ADGRA3: variants seen among roughly 807,000 people sequenced by gnomAD.
ADGRA3 encodes the protein adhesion G protein-coupled receptor A3, also known as G-protein coupled receptor 125.
ADGRA3 carries 56 observed loss-of-function variants against 119.8 expected under a neutral mutation model. The ratio of observed to expected loss-of-function variants is 0.47; its 90% CI spans 0.38 to 0.58. The LOEUF (loss-of-function observed/expected upper bound fraction) is 0.58, where lower values mean the gene tolerates loss of function less well. Ranked by LOEUF, ADGRA3 falls within the 20% of genes least tolerant of loss-of-function variation. The pLI, the probability that ADGRA3 is intolerant of heterozygous loss-of-function variation, is 0.00. For synonymous variants in ADGRA3, 607 were observed against 623.8 expected (o/e 0.97, Z 0.40); for missense variants, 1,516 against 1,649.0 (o/e 0.92, Z 1.40).
chr4:22,411,308 C>A (rs544471474), intron 14 of ADGRA3, among the ~76,000 whole-genome samples: 1 of 152,206 alleles, frequency 6.6e-6, no homozygotes, highest in African/African-American at 2.4e-5. Context: ...ACGCTTCATG[C>A]TTTAATTTAA....
At chr4:22,448,053 TAGTCTATCCTGTGTTAGC>T (rs1259455747) in intron 4 of ADGRA3, among the ~76,000 whole-genome samples, 2 of 152,174 alleles carry the variant, frequency 1.3e-5, no homozygotes, top group African/African-American at 2.4e-5. Context: ...ATCAGTTCTC[TAGTCTATCCTGTGTTAGC>T]AGGCTTCAAT....
At chr4:22,450,081 T>C (rs1264956961) in intron 4 of ADGRA3, among the ~76,000 whole-genome samples, 2 of 152,048 alleles carry the variant, frequency 1.3e-5, no homozygotes, top group Non-Finnish European at 2.9e-5. Flanking sequence ...ACATAAGCAA[T>C]GACACATATT....
intron 1 of ADGRA3, among the ~76,000 whole-genome samples, chr4:22,493,259 C>A (rs1299298008): frequency 6.6e-6 from 1 of 152,158 alleles, no homozygotes; most frequent in Non-Finnish European, 1.5e-5. Context: ...AGCCACTGTG[C>A]CCAGCCTCCA....
chr4:22,414,381 C>A, intron 12 of ADGRA3: 2 of 439,874 alleles, frequency 4.5e-6, no homozygotes, highest in Non-Finnish European at 8.0e-6. Context: ...AATAATAACA[C>A]ATAGGAACAA....
In ADGRA3 at chr4:22,402,805, G is replaced by A. The variant is rs1577325690; in HGVS notation, c.2233-6C>T. On this transcript the variant is annotated splice_region_variant and splice_polypyrimidine_tract_variant and intron_variant, in intron 14 of 18. Transcript: ENST00000334304. ...AGTTCAGATCCCGTCAAATCCTGAG[G>A]GCAAAAAGAAAGATCCATTCTAGCA... is the stretch of plus-strand genomic sequence containing the variant. The A allele has an allele frequency of 6.2e-7, 1 of 1,603,658 alleles. No individual in the cohort carries two copies. Among genetic ancestry groups the A allele is most frequent in the African/African-American group, 1.3e-5 (1 of 74,316 alleles).
At chr4:22,415,563 T>G (rs1485399947) in intron 12 of ADGRA3, among the ~76,000 whole-genome samples, 2 of 152,166 alleles carry the variant, frequency 1.3e-5, no homozygotes, top group African/African-American at 4.8e-5. Flanking sequence ...GAAAACAGAT[T>G]AGTTAAAAGT....
intron 1 of ADGRA3, chr4:22,515,288 G>A (rs1489510207): frequency 2.8e-6 from 1 of 360,046 alleles, no homozygotes; most frequent in African/African-American, 2.1e-5. Flanking sequence ...GGGAGCGCCT[G>A]AGAACCCGAA....
At chr4:22,463,552 A>T (rs1277243512) in intron 2 of ADGRA3, among the ~76,000 whole-genome samples, 1 of 152,204 alleles carries the variant, frequency 6.6e-6, no homozygotes, top group Non-Finnish European at 1.5e-5. Context: ...GCTCCAAGGA[A>T]GTCTGGCTGC....
In ADGRA3 at chr4:22,392,653, A is replaced by G; in HGVS notation, c.2519T>C (p.Val840Ala). The part of the protein sequence containing the change: ...IILHYSTLAT[V>A]LWVGVTARNI... ...TCGAGCTGTCACTCCTACCCATAGT[A>G]CTGTGGCAAGGGTGGAATAGTGAAG... Residue 840 changes from valine (V) to alanine (A), a missense_variant, in exon 17 of 19, where the codon GTA becomes GCA. By Grantham distance (64) the Val-to-Ala change is moderately conservative. This residue lies in a region of ADGRA3 where 1,088 missense variants were observed against 1,107.1 expected (regional missense o/e 0.98). Transcript: ENST00000334304. The G allele has an allele frequency of 6.2e-7, 1 of 1,613,936 alleles. No homozygotes were observed.
At chr4:22,425,768 G>A (rs1481607019) in intron 10 of ADGRA3, among the ~76,000 whole-genome samples, 1 of 152,192 alleles carries the variant, frequency 6.6e-6, no homozygotes, top group Non-Finnish European at 1.5e-5. Flanking sequence ...TATGGGGGCT[G>A]AAGAGGGTTT....
intron 10 of ADGRA3, among the ~76,000 whole-genome samples, chr4:22,427,382 CATT>C (rs558723664): frequency 2.0e-5 from 3 of 151,806 alleles, no homozygotes; most frequent in Admixed American, 6.6e-5. Flanking sequence ...AAAAATTCAT[CATT>C]ATTACATGAT....
intron 10 of ADGRA3, among the ~76,000 whole-genome samples, chr4:22,427,926 G>A (rs1022442040): frequency 6.6e-5 from 10 of 152,124 alleles, no homozygotes; most frequent in Admixed American, 4.6e-4. Flanking sequence ...TGAGCAAATG[G>A]ACTTTATCGA....
chr4:22,480,469 T>G (rs1718227136), intron 1 of ADGRA3, among the ~76,000 whole-genome samples: 1 of 152,040 alleles, frequency 6.6e-6, no homozygotes, highest in South Asian at 2.1e-4. Context: ...AGCCCAGAAG[T>G]TCAATATCAG....
chr4:22,424,318 A>G lies in ADGRA3; in HGVS notation c.1478T>C (p.Ile493Thr). Residue 493 changes from isoleucine to threonine, a missense_variant, in exon 11 of 19, where the codon ATC becomes ACC. Coordinates refer to ENST00000334304, the MANE Select transcript of ADGRA3 (RefSeq NM_145290.4). ...GDVMVDIASN[I>T]MLADERVLWL... ...CAGGACACGTTCATCAGCCAACATGATGTTACTTGCAATGTCAACCATCAC... is the reference window on the plus strand; with the variant it reads ...CAGGACACGTTCATCAGCCAACATGGTGTTACTTGCAATGTCAACCATCAC... 8 of 1,613,836 alleles carry G rather than the reference A, an allele frequency of 5.0e-6. No homozygotes were observed. The highest frequency in any genetic ancestry group is 6.8e-6 in the Non-Finnish European group (8 of 1,179,816).
intron 10 of ADGRA3, among the ~76,000 whole-genome samples, chr4:22,433,141 C>T (rs1473935931): frequency 1.3e-5 from 2 of 152,114 alleles, no homozygotes; most frequent in Non-Finnish European, 2.9e-5. Flanking sequence ...TTATTCAATC[C>T]TGAATATTTT....
rs73112182 is a variant in ADGRA3 at position 22,444,154 on chromosome 4, A to G, written c.706+819T>C. Among the ~76,000 whole-genome samples the G allele has an allele frequency of 7.2e-3, 1,097 of 152,312 alleles. 9 individuals are homozygous for G. The highest frequency in any genetic ancestry group is 0.025 in the African/African-American group (1,031 of 41,560). ...TGCATTCACTGAATGGATATGTCAC[A>G]AGTAATTAAACCAATCCCCTATTTT... On this transcript the variant is annotated intron_variant, in intron 6 of 18. Transcript: ENST00000334304.
intron 1 of ADGRA3, among the ~76,000 whole-genome samples, chr4:22,494,061 T>G (rs1382845129): frequency 2.0e-5 from 3 of 151,716 alleles, no homozygotes; most frequent in Admixed American, 6.6e-5. Flanking sequence ...AAAAATTAGC[T>G]GGGCGTGGAG....
chr4:22,402,355 G>C (rs1264285824), intron 15 of ADGRA3, among the ~76,000 whole-genome samples: 1 of 151,996 alleles, frequency 6.6e-6, no homozygotes, highest in Non-Finnish European at 1.5e-5. Flanking sequence ...ACCTCTGCAG[G>C]TAAGAAACTT....
chr4:22,450,432 A>C (rs1286850935), intron 4 of ADGRA3, among the ~76,000 whole-genome samples: 2 of 151,802 alleles, frequency 1.3e-5, no homozygotes, highest in Admixed American at 6.6e-5. Flanking sequence ...GGCCTGGCTA[A>C]TTTTTGTATT....
Sources: gnomAD v4.1 joint callset for allele counts (sites outside exome capture counted in the v4.1 genomes callset) on GRCh38, gnomAD v4.1.1 for gene constraint, gnomAD v4.1.1 regional missense constraint, MANE v1.5 for transcripts, NCBI Gene and HGNC (gene_info 2026-07-23, HGNC 2026-07-21) for gene names.